Variants in CCNB3 observed in about 807,000 individuals in gnomAD.
The protein encoded by CCNB3 is cyclin B3, also known as G2/mitotic-specific cyclin-B3.
In CCNB3, 12 loss-of-function variants were observed where a neutral mutation model predicts 68.0. The ratio of observed to expected loss-of-function variants is 0.18; its 90% CI spans 0.11 to 0.29. CCNB3 has a LOEUF of 0.29. CCNB3 is among the 10% of genes least tolerant of loss of function. The pLI, the probability that CCNB3 is intolerant of heterozygous loss-of-function variation, is 1.00. For synonymous variants in CCNB3, 354 were observed against 388.9 expected, an observed-to-expected ratio of 0.91 and a Z score of 1.06; for missense variants, 904 against 993.1, an observed-to-expected ratio of 0.91 and a Z score of 1.21.
At chrX:50,337,016 T>C (rs901801945) in intron 8 of CCNB3, among the ~76,000 whole-genome samples, 1 of 111,587 alleles carries the variant, frequency 9.0e-6, no homozygotes, top group Non-Finnish European at 1.9e-5. Context: ...ATTTTTCCAA[T>C]TGAGGTCAGC....
chrX:50,287,821 C>A (rs1335456877), intron 3 of CCNB3, among the ~76,000 whole-genome samples: 2 of 110,885 alleles, frequency 1.8e-5, no homozygotes, highest in Non-Finnish European at 3.8e-5. Context: ...AGGAACCCAA[C>A]TGTACAGCAG....
chrX:50,288,934 A>G (rs1288428380), intron 4 of CCNB3, 47 bp downstream of exon 4: 17 of 861,250 alleles, frequency 2.0e-5, no homozygotes, highest in Non-Finnish European at 2.8e-5. Context: ...CATAAGGCTT[A>G]GACATGCTGT....
intron 1 of CCNB3, among the ~76,000 whole-genome samples, chrX:50,227,468 T>C (rs1046230685): frequency 3.3e-4 from 26 of 79,048 alleles, no homozygotes; most frequent in African/African-American, 1.1e-3. Flanking sequence ...AGAATATATA[T>C]CTAAATATAT....
intron 1 of CCNB3, among the ~76,000 whole-genome samples, chrX:50,279,133 T>TC (rs1247336697): frequency 1.5e-4 from 9 of 61,777 alleles, no homozygotes; most frequent in Non-Finnish European, 2.4e-4. Context: ...TATATTATAT[T>TC]CATATATAAA....
chrX:50,331,271 TATCCAGTAAA>T (rs1432490309), intron 8 of CCNB3, among the ~76,000 whole-genome samples: 4 of 111,118 alleles, frequency 3.6e-5, no homozygotes, highest in African/African-American at 1.3e-4. Flanking sequence ...TATGCCCACA[TATCCAGTAAA>T]ATCCAGTGGG....
Position 50,309,762 on chromosome X carries a change from G to A in CCNB3, c.1593G>A (p.Val531=). The A allele has an allele frequency of 8.3e-7, 1 of 1,210,331 alleles. No homozygotes were observed. Among genetic ancestry groups the A allele is most frequent in the East Asian group, 3.0e-5 (1 of 33,789 alleles). The change falls in exon 6 of 13, where the codon GTG becomes GTA. Residue 531 remains valine, a synonymous_variant. Transcript: ENST00000376042. ...CACTGCCCTTTAAAGAAGAAAAAGT[G>A]TCTTTAAAGAAAAAGTGTACCACAC... ...KEPLPFKEEK[V]SLKKKCTTQE...
At chrX:50,219,904 C>T (rs2146985534) in intron 1 of CCNB3, among the ~76,000 whole-genome samples, 1 of 111,834 alleles carries the variant, frequency 8.9e-6, no homozygotes, top group South Asian at 3.7e-4. Context: ...TATCCATGAG[C>T]ATGGAATGTT....
intron 1 of CCNB3, among the ~76,000 whole-genome samples, chrX:50,205,419 T>C (rs1557205335): frequency 1.9e-5 from 2 of 107,759 alleles, no homozygotes; most frequent in East Asian, 3.0e-4. Flanking sequence ...CCATCCTGGG[T>C]GACAGAGCAA....
chrX:50,228,268 A>G (rs1033444241), intron 1 of CCNB3, among the ~76,000 whole-genome samples: 1 of 93,904 alleles, frequency 1.1e-5, no homozygotes, highest in Non-Finnish European at 2.1e-5. Context: ...GAATATATAT[A>G]AATACATATG....
In CCNB3 at chrX:50,299,408, A is replaced by T. The variant is rs374069930; in HGVS notation, c.335+4415A>T. Among the ~76,000 whole-genome samples the T allele has an allele frequency of 2.7e-5, 3 of 111,268 alleles. No homozygotes were observed. The East Asian group carries it at 8.3e-4, about 31-fold the overall frequency. ...GCTATTTACCCAGTAGTCATTCAGGAGCAGGTTGTTCAGTTTCCATGTAGT... is the reference window on the plus strand; with the variant it reads ...GCTATTTACCCAGTAGTCATTCAGGTGCAGGTTGTTCAGTTTCCATGTAGT... On this transcript the variant is annotated intron_variant, in intron 5 of 12. Transcript: ENST00000376042.
At position 50,309,765 on chromosome X, in the gene CCNB3, T is replaced by C; in HGVS notation, c.1596T>C (p.Ser532=). 8.3e-7 allele frequency: 1 copy of C among 1,210,721 alleles called. No homozygotes were observed. Among genetic ancestry groups the C allele is most frequent in the Non-Finnish European group, 1.1e-6 (1 of 895,123 alleles). Residue 532 remains serine, a synonymous_variant, in exon 6 of 13, where the codon TCT becomes TCC. Transcript: ENST00000376042. ...EPLPFKEEKV[S]LKKKCTTQEM... The stretch of plus-strand genomic sequence containing the variant: ...TGCCCTTTAAAGAAGAAAAAGTGTC[T>C]TTAAAGAAAAAGTGTACCACACAAG...
chrX:50,347,773 T>C lies in CCNB3; in HGVS notation c.3958T>C (p.Trp1320Arg). Residue 1320 changes from tryptophan (W) to arginine (R), a missense_variant and splice_region_variant, in exon 11 of 13, where the codon TGG becomes CGG. This residue lies in a region of CCNB3 where 285 missense variants were observed against 383.4 expected (regional missense o/e 0.74). Transcript: ENST00000376042. ...CCTCTACATGAAGAAGCTCGGATAC[T>C]GGGTAAACACTTGCGAGATAGGGGT... ...LALYMKKLGYWVPFLEHYSGY... is the reference protein window; with the variant it reads ...LALYMKKLGYRVPFLEHYSGY... 8.3e-7 allele frequency: 1 copy of C among 1,209,112 alleles called. No individual in the cohort carries two copies. The highest frequency in any genetic ancestry group is 1.1e-6 in the Non-Finnish European group (1 of 894,376).
At chrX:50,212,579 C>G (rs1193101144) in intron 1 of CCNB3, among the ~76,000 whole-genome samples, 133 of 111,001 alleles carry the variant, frequency 1.2e-3, no homozygotes, top group African/African-American at 3.9e-3. Flanking sequence ...TATCCTGTGT[C>G]ACAGAGTTGG....
intron 8 of CCNB3, among the ~76,000 whole-genome samples, chrX:50,326,832 T>C (rs1040551286): frequency 4.5e-5 from 5 of 112,127 alleles, no homozygotes; most frequent in Non-Finnish European, 9.4e-5. Flanking sequence ...AATTACTTGT[T>C]CTTTTTTCAT....
At chrX:50,336,329 T>C (rs1023919463) in intron 8 of CCNB3, among the ~76,000 whole-genome samples, 1 of 111,708 alleles carries the variant, frequency 9.0e-6, no homozygotes, top group Non-Finnish European at 1.9e-5. Flanking sequence ...CCTGTCCTTT[T>C]GGGGGAATTC....
chrX:50,284,055 C>T (rs1186263074), intron 1 of CCNB3, among the ~76,000 whole-genome samples: 1 of 110,917 alleles, frequency 9.0e-6, no homozygotes, highest in Non-Finnish European at 1.9e-5. Flanking sequence ...TTCAGGAATA[C>T]ATTTTTAGCA....
At chrX:50,279,193 A>C (rs1329901119) in intron 1 of CCNB3, among the ~76,000 whole-genome samples, 7 of 4,226 alleles carry the variant, frequency 1.7e-3, no homozygotes, top group Admixed American at 7.1e-3. Flanking sequence ...TATATTCTCT[A>C]TATATAAATA....
chrX:50,303,478 A>G (rs1378481695), intron 5 of CCNB3, among the ~76,000 whole-genome samples: 18 of 107,688 alleles, frequency 1.7e-4, no homozygotes, highest in Non-Finnish European at 3.3e-4. Context: ...AACACCCATC[A>G]TGGTGGGTGT....
chrX:50,301,607 C>G lies in CCNB3; in HGVS notation c.335+6614C>G, dbSNP rs782354731. ...GGGACCCACTTGATGAGGCAGTCTGCCCGTTCTCAGATCTCAAGCTGCGTG... is the reference window on the plus strand; with the variant it reads ...GGGACCCACTTGATGAGGCAGTCTGGCCGTTCTCAGATCTCAAGCTGCGTG... On this transcript the variant is annotated intron_variant, in intron 5 of 12. Transcript: ENST00000376042. 9.8e-5 allele frequency among the ~76,000 whole-genome samples: 11 copies of G among 112,466 alleles called. No homozygotes were observed. The South Asian group carries it at 4.1e-3, about 41-fold the overall frequency.
Sources: gnomAD v4.1 joint callset for allele counts (sites outside exome capture counted in the v4.1 genomes callset) on GRCh38, gnomAD v4.1.1 for gene constraint, gnomAD v4.1.1 regional missense constraint, MANE v1.5 for transcripts, NCBI Gene and HGNC (gene_info 2026-07-23, HGNC 2026-07-21) for gene names.